Variants in CD47 observed in about 807,000 individuals in gnomAD.
The protein encoded by CD47 is leukocyte surface antigen CD47.
CD47 carries 11 observed loss-of-function variants against 44.6 expected under a neutral mutation model. The ratio of observed to expected loss-of-function variants is 0.25; its 90% CI spans 0.16 to 0.41. CD47 has a LOEUF of 0.41. Ranked by LOEUF, CD47 falls within the 10% of genes least tolerant of loss-of-function variation. The pLI is 1.00. For missense variants in CD47, 306 were observed against 386.7 expected (o/e 0.79, Z 1.75); for synonymous variants, 140 against 136.3 (o/e 1.03, Z -0.19).
rs754562046 is a variant in CD47 at position 108,057,457 on chromosome 3, T to C, written c.877+20A>G. ...ATCTGAAATTATTGGCATAGGTTAA[T>C]GAAAATAAGATTGACTTACCCACAA... On this transcript the variant is annotated intron_variant, in intron 7 of 10. Coordinates refer to ENST00000361309, the MANE Select transcript of CD47 (RefSeq NM_001777.4). 3 of 1,131,478 alleles carry C rather than the reference T, an allele frequency of 2.7e-6. No homozygotes were observed. The highest frequency in any genetic ancestry group is 2.7e-6 in the Non-Finnish European group (2 of 745,056). 70.1% of individuals were successfully genotyped at this position (1,131,478 alleles called of 1,614,324 possible). A position where few individuals can be genotyped will look rare whatever the true frequency, so the allele number is the denominator to read the frequency against.
intron 9 of CD47, among the ~76,000 whole-genome samples, chr3:108,049,853 T>C (rs114887645): frequency 2.4e-3 from 358 of 152,274 alleles, no homozygotes; most frequent in African/African-American, 8.1e-3. Context: ...AGTTGGGAAA[T>C]CAGATCTAGG....
At chr3:108,083,085 A>C (rs2079447775) in intron 1 of CD47, among the ~76,000 whole-genome samples, 1 of 152,056 alleles carries the variant, frequency 6.6e-6, no homozygotes, top group African/African-American at 2.4e-5. Flanking sequence ...GCAAATAAAG[A>C]AACACAGATA....
At chr3:108,061,813 T>G (rs1349753847) in intron 3 of CD47, among the ~76,000 whole-genome samples, 1 of 152,158 alleles carries the variant, frequency 6.6e-6, no homozygotes, top group Non-Finnish European at 1.5e-5. Context: ...CACATAGAGA[T>G]AGTCTCCATG....
At chr3:108,078,850 C>G (rs1157866605) in intron 2 of CD47, among the ~76,000 whole-genome samples, 1 of 152,004 alleles carries the variant, frequency 6.6e-6, no homozygotes, top group African/African-American at 2.4e-5. Context: ...ATTTACAACA[C>G]ACTTTGGTTT....
At chr3:108,083,185 T>C (rs1445810836) in intron 1 of CD47, among the ~76,000 whole-genome samples, 1 of 152,064 alleles carries the variant, frequency 6.6e-6, no homozygotes, top group African/African-American at 2.4e-5. Context: ...CCAAGAGTAA[T>C]GCCAGAGTTA....
intron 1 of CD47, among the ~76,000 whole-genome samples, chr3:108,086,525 T>C (rs913823492): frequency 2.0e-5 from 3 of 152,164 alleles, no homozygotes; most frequent in Non-Finnish European, 4.4e-5. Context: ...TTGGGGAGAA[T>C]ATCTTTCCAT....
chr3:108,051,841 G>A (rs367747214), intron 8 of CD47, 98 bp downstream of exon 8: 35 of 905,856 alleles, frequency 3.9e-5, no homozygotes, highest in Non-Finnish European at 5.5e-5. Flanking sequence ...TTAATTTGAC[G>A]TGAGACAAAA....
intron 7 of CD47, among the ~76,000 whole-genome samples, chr3:108,055,871 T>C (rs1012375037): frequency 6.6e-6 from 1 of 152,198 alleles, no homozygotes; most frequent in African/African-American, 2.4e-5. Context: ...CAATGCTTAG[T>C]TCCACTTGAG....
chr3:108,082,896 A>G (rs1025172272), intron 1 of CD47, among the ~76,000 whole-genome samples: 3 of 151,990 alleles, frequency 2.0e-5, no homozygotes, highest in Admixed American at 1.3e-4. Context: ...TTGCACTAGT[A>G]ATTAATAAAT....
chr3:108,073,272 T>C (rs2079243510), intron 2 of CD47, among the ~76,000 whole-genome samples: 1 of 151,534 alleles, frequency 6.6e-6, no homozygotes, highest in African/African-American at 2.4e-5. Flanking sequence ...AGAATATTAA[T>C]ATATTAATAT....
At chr3:108,049,935 A>G (rs1222716413) in intron 9 of CD47, among the ~76,000 whole-genome samples, 3 of 152,112 alleles carry the variant, frequency 2.0e-5, no homozygotes, top group Non-Finnish European at 4.4e-5. Flanking sequence ...TAAAATGTGT[A>G]CATCACAAAT....
intron 7 of CD47, among the ~76,000 whole-genome samples, chr3:108,056,092 G>A (rs1348191497): frequency 6.6e-6 from 1 of 152,176 alleles, no homozygotes; most frequent in African/African-American, 2.4e-5. Context: ...GCATTTGTGG[G>A]GAGCAACAAA....
Position 108,047,010 on chromosome 3 carries a change from C to T in CD47, c.*278G>A. The stretch of plus-strand genomic sequence containing the variant: ...AAAGGCATCATTCTTGGAAATTGTC[C>T]ATTCTACTATTGCCCCTAATTGATT... On this transcript the variant is annotated 3_prime_UTR_variant, in exon 11 of 11. Coordinates refer to ENST00000361309, the MANE Select transcript of CD47 (RefSeq NM_001777.4). 1 of 363,834 alleles carries T rather than the reference C, an allele frequency of 2.7e-6. No individual in the cohort carries two copies. The highest frequency in any genetic ancestry group is 4.9e-6 in the Non-Finnish European group (1 of 203,732). The allele number at this position is 363,834 out of a possible 1,614,324, so 22.5% of individuals were successfully genotyped here. A position where few individuals can be genotyped will look rare whatever the true frequency, so the allele number is the denominator to read the frequency against.
intron 7 of CD47, 58 bp downstream of exon 7, chr3:108,057,419 T>C: frequency 1.2e-6 from 1 of 820,798 alleles, no homozygotes; most frequent in Non-Finnish European, 2.1e-6. Flanking sequence ...AAAAAGCATT[T>C]TCTAAGTGAT....
chr3:108,048,394 T>G (rs1035021914), intron 10 of CD47, among the ~76,000 whole-genome samples: 2 of 138,568 alleles, frequency 1.4e-5, no homozygotes, highest in African/African-American at 5.5e-5. Context: ...TTTTTTTTTT[T>G]TTTTTCTTGA....
intron 10 of CD47, among the ~76,000 whole-genome samples, chr3:108,047,987 T>A (rs1450239105): frequency 6.6e-6 from 1 of 151,318 alleles, no homozygotes; most frequent in African/African-American, 2.4e-5. Context: ...TTCCTGAAAA[T>A]GGAGAAAAGT....
At chr3:108,087,333 C>T (rs1483373566) in intron 1 of CD47, among the ~76,000 whole-genome samples, 1 of 152,042 alleles carries the variant, frequency 6.6e-6, no homozygotes, top group Non-Finnish European at 1.5e-5. Flanking sequence ...AGTTCTGACC[C>T]AACGCAATCC....
At chr3:108,082,292 T>A (rs1326737745) in intron 1 of CD47, among the ~76,000 whole-genome samples, 1 of 151,978 alleles carries the variant, frequency 6.6e-6, no homozygotes, top group Non-Finnish European at 1.5e-5. Flanking sequence ...TGTAGAAAAC[T>A]GAGAGTAATT....
intron 4 of CD47, among the ~76,000 whole-genome samples, chr3:108,060,145 C>T (rs939620684): frequency 2.0e-5 from 3 of 152,198 alleles, no homozygotes; most frequent in Non-Finnish European, 4.4e-5. Context: ...ACTTTCATGT[C>T]TTGGCCAATG....
Sources: gnomAD v4.1 joint callset for allele counts (sites outside exome capture counted in the v4.1 genomes callset) on GRCh38, gnomAD v4.1.1 for gene constraint, MANE v1.5 for transcripts, NCBI Gene and HGNC (gene_info 2026-07-23, HGNC 2026-07-21) for gene names.